The following ATF7IP2 variants were observed in gnomAD, a reference collection of about 807,000 sequenced individuals.
ATF7IP2 encodes the protein activating transcription factor 7 interacting protein 2, also known as activating transcription factor 7-interacting protein 2.
A neutral mutation model predicts 64.2 loss-of-function variants in ATF7IP2; 42 were observed. The observed-to-expected ratio is 0.65, with a 90% CI of 0.51 to 0.85. ATF7IP2 has a LOEUF of 0.85. ATF7IP2 is among the 40% of genes least tolerant of loss of function. The probability of loss-of-function intolerance (pLI) is 0.00; values close to 1 mark genes in which losing one functional copy is unlikely to be tolerated. For missense variants in ATF7IP2, 933 were observed against 784.2 expected (o/e 1.19, Z -2.27); for synonymous variants, 308 against 272.8 (o/e 1.13, Z -1.27).
intron 1 of ATF7IP2, among the ~76,000 whole-genome samples, chr16:10,412,210 G>A (rs928778553): frequency 6.7e-6 from 1 of 149,174 alleles, no homozygotes; most frequent in East Asian, 2.0e-4. Flanking sequence ...ATTCTTTCTT[G>A]TGCTGTGTTT....
At chr16:10,392,401 T>A (rs1453867964) in intron 1 of ATF7IP2, among the ~76,000 whole-genome samples, 1 of 151,616 alleles carries the variant, frequency 6.6e-6, no homozygotes, top group Non-Finnish European at 1.5e-5. Flanking sequence ...CCTGGGCTGT[T>A]TGAGCCTTGG....
intron 9 of ATF7IP2, among the ~76,000 whole-genome samples, chr16:10,469,892 TAAAA>T (rs34620633): frequency 3.4e-5 from 5 of 147,048 alleles, no homozygotes; most frequent in African/African-American, 1.2e-4. Flanking sequence ...ATTGAAAGTT[TAAAA>T]AAAAAAAAAA....
At chr16:10,435,838 G>T (rs561969551) in intron 6 of ATF7IP2, among the ~76,000 whole-genome samples, 2 of 152,234 alleles carry the variant, frequency 1.3e-5, no homozygotes, top group South Asian at 4.1e-4. Flanking sequence ...ATGTGGCCTA[G>T]GAATTCGATT....
chr16:10,469,056 AAAC>A (rs1020680956), intron 9 of ATF7IP2, among the ~76,000 whole-genome samples: 3 of 152,186 alleles, frequency 2.0e-5, no homozygotes, highest in African/African-American at 7.2e-5. Context: ...TGAAGAAATG[AAAC>A]AACATCCATT....
chr16:10,459,616 C>T (rs4780914), intron 9 of ATF7IP2, among the ~76,000 whole-genome samples: 82,425 of 151,886 alleles, frequency 0.54, 22,471 homozygotes, highest in East Asian at 0.69. Flanking sequence ...CACTGTACTC[C>T]AGCCTGGGTG....
intron 3 of ATF7IP2, among the ~76,000 whole-genome samples, chr16:10,426,224 G>A (rs1156676065): frequency 6.6e-6 from 1 of 152,144 alleles, no homozygotes; most frequent in Non-Finnish European, 1.5e-5. Context: ...TGTGAGTTGT[G>A]GCTTATGTGA....
chr16:10,413,584 T>G (rs889998551), intron 1 of ATF7IP2, among the ~76,000 whole-genome samples: 7 of 152,174 alleles, frequency 4.6e-5, no homozygotes, highest in Non-Finnish European at 7.4e-5. Context: ...CTTTATACCT[T>G]GGTTTTTTGT....
intron 8 of ATF7IP2, among the ~76,000 whole-genome samples, chr16:10,450,220 G>C (rs2048940429): frequency 6.6e-6 from 1 of 152,168 alleles, no homozygotes; most frequent in Non-Finnish European, 1.5e-5. Flanking sequence ...TTGCTAAGGA[G>C]TGTTTTAATT....
chr16:10,410,369 G>C (rs1159640096), intron 1 of ATF7IP2, among the ~76,000 whole-genome samples: 1 of 148,074 alleles, frequency 6.8e-6, no homozygotes, highest in Non-Finnish European at 1.5e-5. Flanking sequence ...TTTTGTTTTT[G>C]TTTTGTTTTG....
chr16:10,437,249 G>A (rs2048452144), intron 6 of ATF7IP2, among the ~76,000 whole-genome samples: 1 of 152,114 alleles, frequency 6.6e-6, no homozygotes, highest in South Asian at 2.1e-4. Flanking sequence ...TTCAACTCCT[G>A]ACCTCGTGAT....
intron 1 of ATF7IP2, among the ~76,000 whole-genome samples, chr16:10,410,690 C>G (rs2047741742): frequency 6.6e-6 from 1 of 152,174 alleles, no homozygotes; most frequent in Non-Finnish European, 1.5e-5. Context: ...TCTTGTTTCA[C>G]TTCTCAGAGG....
chr16:10,481,370 TC>T (rs1206013459), intron 13 of ATF7IP2, among the ~76,000 whole-genome samples: 1 of 37,066 alleles, frequency 2.7e-5, no homozygotes, highest in Non-Finnish European at 6.9e-5. Context: ...AGCTGGGATT[TC>T]CCGAGTAGCT....
At chr16:10,443,339 G>A (rs920618043) in intron 8 of ATF7IP2, among the ~76,000 whole-genome samples, 1 of 152,134 alleles carries the variant, frequency 6.6e-6, no homozygotes, top group African/African-American at 2.4e-5. Flanking sequence ...GCAGGGTGCT[G>A]GACTTCAGGC....
At chr16:10,397,565 C>T (rs1447870036) in intron 1 of ATF7IP2, among the ~76,000 whole-genome samples, 1 of 151,958 alleles carries the variant, frequency 6.6e-6, no homozygotes, top group Non-Finnish European at 1.5e-5. Flanking sequence ...CAGCCTGGGC[C>T]ACAGAGAGAC....
intron 11 of ATF7IP2, 115 bp from the exon 12 acceptor site, chr16:10,473,808 G>C (rs2049897255): frequency 1.4e-6 from 1 of 695,676 alleles, no homozygotes. Context: ...TCCATCTCTA[G>C]TTTCCGAATG....
chr16:10,452,629 G>C (rs1376661196), intron 8 of ATF7IP2, among the ~76,000 whole-genome samples: 1 of 152,220 alleles, frequency 6.6e-6, no homozygotes, highest in African/African-American at 2.4e-5. Flanking sequence ...GAGCTCAAAT[G>C]CTGTGCTGGG....
Position 10,430,609 on chromosome 16 carries a change from A to C in ATF7IP2, c.-10-2A>C. On this transcript the variant is annotated splice_acceptor_variant, in intron 4 of 13. Transcript: ENST00000562102. LOFTEE classifies it low-confidence loss of function (5UTR_SPLICE). Reference sequence around the variant, plus strand: ...ATTTAAATATGATGTCTTAAATTCCAGGATATGAAAGATGGCAAGTCCAGA... The same window carrying C: ...ATTTAAATATGATGTCTTAAATTCCCGGATATGAAAGATGGCAAGTCCAGA... 1 of 1,571,196 alleles carries C rather than the reference A, an allele frequency of 6.4e-7. No individual in the cohort carries two copies. Among genetic ancestry groups the C allele is most frequent in the Non-Finnish European group, 8.7e-7 (1 of 1,149,912 alleles).
chr16:10,478,675 G>C (rs1215930627), intron 12 of ATF7IP2, among the ~76,000 whole-genome samples: 1 of 152,198 alleles, frequency 6.6e-6, no homozygotes, highest in East Asian at 1.9e-4. Flanking sequence ...AAACTAAAGA[G>C]CTCCTGCACA....
At chr16:10,457,690 T>G (rs57240502) in intron 9 of ATF7IP2, 161 bp downstream of exon 9, 191 of 485,388 alleles carry the variant, frequency 3.9e-4, no homozygotes, top group East Asian at 1.2e-3. Context: ...GTTGTGGGGG[T>G]TTTTTTTTGG....
Sources: gnomAD v4.1 joint callset for allele counts (sites outside exome capture counted in the v4.1 genomes callset) on GRCh38, gnomAD v4.1.1 for gene constraint, MANE v1.5 for transcripts, NCBI Gene and HGNC (gene_info 2026-07-23, HGNC 2026-07-21) for gene names.